The following NRXN3 variants were observed in gnomAD, a reference collection of about 807,000 sequenced individuals.
NRXN3 encodes neurexin III.
In NRXN3, 32 loss-of-function variants were observed where a neutral mutation model predicts 137.6. The observed-to-expected ratio is 0.23, with a 90% CI of 0.18 to 0.31. NRXN3 has a LOEUF of 0.31. Ranked by LOEUF, NRXN3 falls within the 10% of genes least tolerant of loss-of-function variation. NRXN3 has a pLI of 1.00. For missense variants in NRXN3, 1,574 were observed against 2,062.5 expected (o/e 0.76, Z 4.59); for synonymous variants, 798 against 784.5 (o/e 1.02, Z -0.29).
intron 8 of NRXN3, among the ~76,000 whole-genome samples, chr14:78,741,741 A>C (rs1395566520): frequency 6.6e-6 from 1 of 152,208 alleles, no homozygotes; most frequent in Non-Finnish European, 1.5e-5. Context: ...ACCAAAGGCC[A>C]CTATCGTGTA....
intron 7 of NRXN3, 173 bp downstream of exon 7, chr14:78,709,828 T>C: frequency 1.6e-6 from 1 of 620,220 alleles, no homozygotes; most frequent in Non-Finnish European, 2.8e-6. Context: ...GTCTCATAGA[T>C]GGCTCACATT....
intron 4 of NRXN3, among the ~76,000 whole-genome samples, chr14:78,422,939 A>G (rs530100863): frequency 2.0e-5 from 3 of 152,340 alleles, no homozygotes; most frequent in African/African-American, 7.2e-5. Flanking sequence ...TAATTATTGC[A>G]AAAGTGTCAT....
rs35515937 is a variant in NRXN3, at chr14:79,316,729, C to CCTCTCT, written c.3263-150463_3263-150458dup. ...TTATCATCATGTAATCTGTCCTGTC[C>CCTCTCT]CTCTCTCTCTCTCTCTCTCTCTCTC... On this transcript the variant is annotated intron_variant, in intron 15 of 20. Coordinates refer to ENST00000335750, the MANE Select transcript of NRXN3 (RefSeq NM_001330195.2). Among the ~76,000 whole-genome samples the CCTCTCT allele has an allele frequency of 6.6e-3, 907 of 137,984 alleles. 8 individuals carry two copies. Among genetic ancestry groups the CCTCTCT allele is most frequent in the East Asian group, 0.025 (118 of 4,684 alleles). 90.5% of individuals were successfully genotyped at this position (137,984 alleles called of 152,430 possible).
intron 16 of NRXN3, among the ~76,000 whole-genome samples, chr14:79,658,097 G>A (rs1213444359): frequency 1.3e-5 from 2 of 152,122 alleles, no homozygotes; most frequent in Non-Finnish European, 2.9e-5. Context: ...TGTAACACAT[G>A]TATTTCTGTT....
chr14:78,742,247 C>CA (rs758266653), intron 8 of NRXN3, among the ~76,000 whole-genome samples: 49 of 152,300 alleles, frequency 3.2e-4, no homozygotes, highest in Non-Finnish European at 6.3e-4. Flanking sequence ...AAAACACACA[C>CA]ACAAGCCTAC....
chr14:79,007,886 T>C (rs1231490339), intron 15 of NRXN3, among the ~76,000 whole-genome samples: 4 of 151,876 alleles, frequency 2.6e-5, no homozygotes. Context: ...TCATGGTTAT[T>C]TACCACCCCT....
intron 10 of NRXN3, among the ~76,000 whole-genome samples, chr14:78,842,540 G>T (rs1312355715): frequency 1.4e-4 from 22 of 152,108 alleles, no homozygotes; most frequent in Admixed American, 1.4e-3. Context: ...AATTAAAATT[G>T]CTAATGAAGT....
chr14:78,429,711 G>A (rs530167391), intron 4 of NRXN3, among the ~76,000 whole-genome samples: 10 of 152,302 alleles, frequency 6.6e-5, no homozygotes, highest in African/African-American at 1.7e-4. Flanking sequence ...GGGTCTGTGT[G>A]GAGTTAAGAT....
intron 4 of NRXN3, among the ~76,000 whole-genome samples, chr14:78,521,432 C>A (rs1026440234): frequency 6.6e-6 from 1 of 152,128 alleles, no homozygotes; most frequent in Non-Finnish European, 1.5e-5. Flanking sequence ...AAATTTTAGT[C>A]TTTAATTCTT....
intron 10 of NRXN3, among the ~76,000 whole-genome samples, chr14:78,837,059 A>G (rs1197721249): frequency 1.3e-5 from 2 of 152,170 alleles, no homozygotes; most frequent in Non-Finnish European, 2.9e-5. Context: ...ATCCTTAATT[A>G]AGAAACTTTT....
At chr14:79,824,734 G>T (rs2099287605) in intron 20 of NRXN3, among the ~76,000 whole-genome samples, 2 of 152,060 alleles carry the variant, frequency 1.3e-5, no homozygotes, top group African/African-American at 2.4e-5. Flanking sequence ...AAGACTTTTT[G>T]ATTTCTATTT....
intron 19 of NRXN3, among the ~76,000 whole-genome samples, chr14:79,754,505 TATATATATA>T (rs2099011166): frequency 5.3e-3 from 1 of 188 alleles, no homozygotes; most frequent in Non-Finnish European, 0.015. Flanking sequence ...TCTCTCTTGA[TATATATATA>T]TATATATATA....
intron 14 of NRXN3, among the ~76,000 whole-genome samples, chr14:78,977,733 T>G: frequency 6.6e-6 from 1 of 152,144 alleles, no homozygotes; most frequent in African/African-American, 2.4e-5. Context: ...GTAATTATTC[T>G]TTTTAGATCA....
rs551603549 is a variant in NRXN3, at chr14:78,215,082, T to C, written c.-703-27309T>C. ...CTCTTTTGTAAACTCTAAAGTATTTTACAAATGTCAATACTGTGCCACGTC... is the reference window on the plus strand; with the variant it reads ...CTCTTTTGTAAACTCTAAAGTATTTCACAAATGTCAATACTGTGCCACGTC... On this transcript the variant is annotated intron_variant, in intron 1 of 20. Coordinates refer to ENST00000335750, the MANE Select transcript of NRXN3 (RefSeq NM_001330195.2). 2.0e-5 allele frequency among the ~76,000 whole-genome samples: 3 copies of C among 152,304 alleles called. No homozygotes were observed. The East Asian group carries it at 5.8e-4, about 29-fold the overall frequency.
intron 3 of NRXN3, among the ~76,000 whole-genome samples, chr14:78,291,899 C>G (rs2075840723): frequency 6.6e-6 from 1 of 152,004 alleles, no homozygotes; most frequent in African/African-American, 2.4e-5. Context: ...TTTTTTTCGT[C>G]TTTTCTGAAT....
intron 4 of NRXN3, among the ~76,000 whole-genome samples, chr14:78,622,534 A>G (rs2097416593): frequency 6.6e-6 from 1 of 152,020 alleles, no homozygotes; most frequent in Admixed American, 6.5e-5. Context: ...TGGTCCCACA[A>G]AGCAATCGTG....
intron 16 of NRXN3, among the ~76,000 whole-genome samples, chr14:79,564,102 G>A (rs990981580): frequency 3.3e-5 from 5 of 151,432 alleles, no homozygotes; most frequent in South Asian, 2.1e-4. Context: ...TTAATAATAC[G>A]CAAAATTACA....
At chr14:78,948,628 C>CTTT (rs201010514) in intron 10 of NRXN3, among the ~76,000 whole-genome samples, 3 of 108,636 alleles carry the variant, frequency 2.8e-5, no homozygotes, top group African/African-American at 6.5e-5. Flanking sequence ...ACACATTTAA[C>CTTT]TTTTTTTTTT....
chr14:78,884,337 G>T (rs1461271891), intron 10 of NRXN3, among the ~76,000 whole-genome samples: 1 of 152,128 alleles, frequency 6.6e-6, no homozygotes, highest in Non-Finnish European at 1.5e-5. Flanking sequence ...AAAGAAAACA[G>T]CAGTGTCGGT....
Sources: allele counts gnomAD v4.1 joint callset (sites outside exome capture counted in the v4.1 genomes callset), GRCh38; gene constraint gnomAD v4.1.1; transcripts MANE v1.5; gene names NCBI Gene and HGNC (gene_info 2026-07-23, HGNC 2026-07-21).